Variants in CDKAL1 observed in about 807,000 individuals in gnomAD.
The protein encoded by CDKAL1 is threonylcarbamoyladenosine tRNA methylthiotransferase.
CDKAL1 carries 32 observed loss-of-function variants against 68.2 expected under a neutral mutation model. The observed-to-expected ratio is 0.47, with a 90% CI of 0.35 to 0.63. The LOEUF is 0.63. Ranked by LOEUF, CDKAL1 falls within the 30% of genes least tolerant of loss-of-function variation. CDKAL1 has a pLI of 0.00. For missense variants in CDKAL1, 606 were observed against 696.7 expected, an observed-to-expected ratio of 0.87 and a Z score of 1.47; for synonymous variants, 234 against 244.3, an observed-to-expected ratio of 0.96 and a Z score of 0.39.
chr6:21,017,088 A>G lies in CDKAL1; in HGVS notation c.1055+16716A>G, dbSNP rs16884385. Reference sequence around the variant, plus strand: ...TTCTTCTACATGCCAGGAATTATGCAAAGTATTTTACATAGACAATCTCCT... The same window carrying G: ...TTCTTCTACATGCCAGGAATTATGCGAAGTATTTTACATAGACAATCTCCT... On this transcript the variant is annotated intron_variant, in intron 11 of 15. Coordinates refer to ENST00000274695, the MANE Select transcript of CDKAL1 (RefSeq NM_017774.3). Among the ~76,000 whole-genome samples, 1,326 of 152,342 alleles carry G rather than the reference A, an allele frequency of 8.7e-3. 14 individuals carry two copies. Among genetic ancestry groups the G allele is most frequent in the African/African-American group, 0.029 (1,187 of 41,574 alleles).
rs116738265 is a variant in CDKAL1 at position 20,840,833 on chromosome 6, A to G, written c.639-5242A>G. Among the ~76,000 whole-genome samples the G allele has an allele frequency of 4.4e-3, 671 of 152,330 alleles. 6 individuals are homozygous for G. The highest frequency in any genetic ancestry group is 0.015 in the African/African-American group (629 of 41,562). On this transcript the variant is annotated intron_variant, in intron 8 of 15. Transcript: ENST00000274695. ...CCAAGATGAGGGCTCACAGTAGGCTATATTTAACAATGAAGTCTGGCACAG... is the reference window on the plus strand; with the variant it reads ...CCAAGATGAGGGCTCACAGTAGGCTGTATTTAACAATGAAGTCTGGCACAG...
chr6:20,690,935 C>T (rs1474766103), intron 5 of CDKAL1, among the ~76,000 whole-genome samples: 1 of 152,108 alleles, frequency 6.6e-6, no homozygotes, highest in African/African-American at 2.4e-5. Context: ...AATTAAGATT[C>T]TGATATGCTA....
intron 10 of CDKAL1, among the ~76,000 whole-genome samples, chr6:20,957,948 G>C (rs775766038): frequency 7.0e-6 from 1 of 143,738 alleles, no homozygotes; most frequent in Non-Finnish European, 1.5e-5. Flanking sequence ...TCCAGCCTGG[G>C]TGACAAAGCA....
At chr6:20,572,201 T>C (rs1278611054) in intron 4 of CDKAL1, among the ~76,000 whole-genome samples, 2 of 152,186 alleles carry the variant, frequency 1.3e-5, no homozygotes, top group Non-Finnish European at 2.9e-5. Flanking sequence ...AATTCATTGG[T>C]TATTAGGCAG....
chr6:21,075,994 G>A (rs1196411881), intron 12 of CDKAL1, among the ~76,000 whole-genome samples: 4 of 152,020 alleles, frequency 2.6e-5, no homozygotes, highest in African/African-American at 9.7e-5. Flanking sequence ...CTACTTGCTT[G>A]TCTTACATGT....
intron 13 of CDKAL1, among the ~76,000 whole-genome samples, chr6:21,113,874 A>T (rs796090716): frequency 2.0e-5 from 3 of 151,970 alleles, no homozygotes; most frequent in Non-Finnish European, 4.4e-5. Flanking sequence ...CAGGCAGTCC[A>T]GGCTGCAGTG....
At chr6:21,197,969 C>A in intron 13 of CDKAL1, 52 bp from the exon 14 acceptor site, 1 of 1,137,120 alleles carries the variant, frequency 8.8e-7, no homozygotes, top group South Asian at 1.5e-5. Flanking sequence ...TTTTTGGATT[C>A]ACAGGTGTTT....
At chr6:20,650,046 A>G (rs886952442) in intron 5 of CDKAL1, among the ~76,000 whole-genome samples, 4 of 152,126 alleles carry the variant, frequency 2.6e-5, no homozygotes, top group African/African-American at 9.7e-5. Context: ...TATCTTTTTA[A>G]TAGAATGATT....
At chr6:20,729,952 A>C (rs1337304672) in intron 5 of CDKAL1, among the ~76,000 whole-genome samples, 1 of 152,202 alleles carries the variant, frequency 6.6e-6, no homozygotes, top group Non-Finnish European at 1.5e-5. Context: ...AATACGCCAA[A>C]ATCCCCATCT....
chr6:20,887,696 A>G (rs1190093235), intron 9 of CDKAL1, among the ~76,000 whole-genome samples: 1 of 107,692 alleles, frequency 9.3e-6, no homozygotes, highest in East Asian at 2.8e-4. Flanking sequence ...TCTAGAGGAA[A>G]GTATTTTATA....
intron 5 of CDKAL1, chr6:20,722,515 A>C: frequency 3.0e-6 from 1 of 335,590 alleles, no homozygotes; most frequent in Non-Finnish European, 5.7e-6. Flanking sequence ...TGCCCACCAT[A>C]GCCACTCTGC....
At chr6:21,070,846 A>T (rs1252881773) in intron 12 of CDKAL1, among the ~76,000 whole-genome samples, 2 of 152,190 alleles carry the variant, frequency 1.3e-5, no homozygotes, top group Non-Finnish European at 2.9e-5. Flanking sequence ...CAGAAATTGT[A>T]GTCCCTGAAC....
At chr6:20,940,484 G>T (rs1278432143) in intron 9 of CDKAL1, among the ~76,000 whole-genome samples, 1 of 152,060 alleles carries the variant, frequency 6.6e-6, no homozygotes, top group Non-Finnish European at 1.5e-5. Flanking sequence ...AAAAGATACA[G>T]GTTAAGTATA....
rs186955790 is a variant in CDKAL1, at chr6:21,196,240, A to G, written c.1300-1781A>G. Among the ~76,000 whole-genome samples, 14 of 152,338 alleles carry G rather than the reference A, an allele frequency of 9.2e-5. No homozygotes were observed. In the East Asian group the frequency reaches 1.7e-3, roughly 19 times the overall value. On this transcript the variant is annotated intron_variant, in intron 13 of 15. Coordinates refer to ENST00000274695, the MANE Select transcript of CDKAL1 (RefSeq NM_017774.3). ...ATGAAGTGTAATTGCAGATTTCCTTAAGAACCATTGACAGATACTTATCCT... is the reference window on the plus strand; with the variant it reads ...ATGAAGTGTAATTGCAGATTTCCTTGAGAACCATTGACAGATACTTATCCT...
At chr6:20,862,658 T>TGCGCGCGCGC (rs1425440623) in intron 9 of CDKAL1, among the ~76,000 whole-genome samples, 1 of 147,452 alleles carries the variant, frequency 6.8e-6, no homozygotes, top group Non-Finnish European at 1.5e-5. Flanking sequence ...TGTGTGTGTG[T>TGCGCGCGCGC]GTGTGCGCGC....
chr6:20,600,503 T>G, intron 4 of CDKAL1, among the ~76,000 whole-genome samples: 1 of 152,082 alleles, frequency 6.6e-6, no homozygotes, highest in East Asian at 1.9e-4. Flanking sequence ...TTCTGTCAAT[T>G]TCATTTAAAT....
At chr6:21,121,309 T>G (rs184501461) in intron 13 of CDKAL1, among the ~76,000 whole-genome samples, 85 of 152,332 alleles carry the variant, frequency 5.6e-4, no homozygotes, top group African/African-American at 1.9e-3. Flanking sequence ...ACTTGCAAGC[T>G]AGATGATGTC....
At chr6:21,133,834 GAGAA>G (rs1477903032) in intron 13 of CDKAL1, among the ~76,000 whole-genome samples, 1 of 152,180 alleles carries the variant, frequency 6.6e-6, no homozygotes, top group Non-Finnish European at 1.5e-5. Context: ...GAAGAATTAA[GAGAA>G]AGAAGGCCAT....
intron 9 of CDKAL1, among the ~76,000 whole-genome samples, chr6:20,936,241 ATTTTTTT>A (rs33911838): frequency 7.1e-4 from 49 of 68,802 alleles, no homozygotes; most frequent in Non-Finnish European, 1.1e-3. Context: ...GTGTCTCATA[ATTTTTTT>A]TTTTTTTTTT....
Sources: gnomAD v4.1 joint callset for allele counts (sites outside exome capture counted in the v4.1 genomes callset) on GRCh38, gnomAD v4.1.1 for gene constraint, MANE v1.5 for transcripts, NCBI Gene and HGNC (gene_info 2026-07-23, HGNC 2026-07-21) for gene names.